JADE3: variants seen among roughly 807,000 people sequenced by gnomAD.
The protein encoded by JADE3 is jade family PHD finger 3.
In JADE3, 2 loss-of-function variants were observed where a neutral mutation model predicts 50.1. The observed-to-expected ratio is 0.04, with a 90% CI of 0.02 to 0.13. JADE3 has a LOEUF of 0.13. Ranked by LOEUF, JADE3 falls within the 10% of genes least tolerant of loss-of-function variation. JADE3 has a pLI of 1.00. For synonymous variants in JADE3, 218 were observed against 232.9 expected (o/e 0.94, Z 0.58); for missense variants, 475 against 634.4 (o/e 0.75, Z 2.70).
At chrX:46,956,223 C>G (rs1237466364) in intron 1 of JADE3, among the ~76,000 whole-genome samples, 1 of 111,613 alleles carries the variant, frequency 9.0e-6, no homozygotes, top group Non-Finnish European at 1.9e-5. Context: ...CACCACCACA[C>G]CTGGCTAATT....
At chrX:46,984,189 A>G (rs1177095457) in intron 1 of JADE3, among the ~76,000 whole-genome samples, 2 of 112,091 alleles carry the variant, frequency 1.8e-5, no homozygotes, top group Non-Finnish European at 3.8e-5. Flanking sequence ...GTGTTCCCAG[A>G]AGGGTGATGC....
intron 7 of JADE3, among the ~76,000 whole-genome samples, chrX:47,037,122 GA>G (rs1294094080): frequency 3.0e-4 from 30 of 100,269 alleles, no homozygotes; most frequent in East Asian, 2.5e-3. Flanking sequence ...AAAAAAAAAG[GA>G]AAAAAAAAAA....
chrX:47,059,943 G>A lies in JADE3; in HGVS notation c.*866G>A, dbSNP rs1455183543. The A allele has an allele frequency of 1.8e-5, 2 of 112,077 alleles. No individual in the cohort carries two copies. Among genetic ancestry groups the A allele is most frequent in the African/African-American group, 6.5e-5 (2 of 30,770 alleles). 9.2% of individuals were successfully genotyped at this position (112,077 alleles called of 1,213,427 possible). A position where few individuals can be genotyped will look rare whatever the true frequency, so the allele number is the denominator to read the frequency against. ...AAAATAAGTTTGGCTGACAGTTTTTGTATACCTGCTTTAATGTTTATAAAA... is the reference window on the plus strand; with the variant it reads ...AAAATAAGTTTGGCTGACAGTTTTTATATACCTGCTTTAATGTTTATAAAA... On this transcript the variant is annotated 3_prime_UTR_variant, in exon 11 of 11. Coordinates refer to ENST00000614628, the MANE Select transcript of JADE3 (RefSeq NM_014735.5).
chrX:46,944,976 T>G (rs1326974471), intron 1 of JADE3, among the ~76,000 whole-genome samples: 1 of 108,735 alleles, frequency 9.2e-6, no homozygotes, highest in African/African-American at 3.4e-5. Flanking sequence ...CCCAAGTAGC[T>G]GAGACTACAG....
intron 1 of JADE3, among the ~76,000 whole-genome samples, chrX:46,966,656 G>A (rs1217736971): frequency 8.9e-6 from 1 of 111,878 alleles, no homozygotes; most frequent in East Asian, 2.8e-4. Flanking sequence ...ATTCTGGTGA[G>A]ATAGAAGCAA....
rs781911903 is a variant in JADE3 at position 46,998,287 on chromosome X, T to C, written c.284+10T>C. The C allele has an allele frequency of 1.7e-6, 2 of 1,197,404 alleles. No homozygotes were observed. The highest frequency in any genetic ancestry group is 1.8e-5 in the South Asian group (1 of 55,237). ...CACAGCCTTCTCTCAGGTATTTGCA[T>C]GCTTGCACCTTTGACTTAGGGAATG... On this transcript the variant is annotated intron_variant, in intron 4 of 10. Coordinates refer to ENST00000614628, the MANE Select transcript of JADE3 (RefSeq NM_014735.5).
At chrX:46,918,886 G>A (rs1460268151) in intron 1 of JADE3, among the ~76,000 whole-genome samples, 1 of 112,678 alleles carries the variant, frequency 8.9e-6, no homozygotes, top group African/African-American at 3.2e-5. Context: ...GCTAAAGCAT[G>A]GAAGTGCTTC....
At chrX:47,037,033 G>A (rs782680976) in intron 7 of JADE3, among the ~76,000 whole-genome samples, 3 of 94,721 alleles carry the variant, frequency 3.2e-5, no homozygotes, top group South Asian at 5.4e-4. Context: ...TGGGTGCAGC[G>A]CACCAGCATG....
intron 1 of JADE3, among the ~76,000 whole-genome samples, chrX:46,924,094 T>A (rs1349273876): frequency 1.8e-5 from 2 of 111,887 alleles, no homozygotes; most frequent in African/African-American, 6.5e-5. Context: ...AGACTAAGCC[T>A]TTTTTTCTGT....
intron 6 of JADE3, among the ~76,000 whole-genome samples, chrX:47,033,087 C>T (rs1929056164): frequency 9.0e-6 from 1 of 111,644 alleles, no homozygotes; most frequent in African/African-American, 3.3e-5. Flanking sequence ...TTCACAAGTC[C>T]CTGTTTCTTC....
intron 3 of JADE3, among the ~76,000 whole-genome samples, chrX:46,997,396 T>C (rs1428415746): frequency 1.8e-5 from 2 of 111,302 alleles, no homozygotes; most frequent in Non-Finnish European, 3.8e-5. Context: ...TATGTGCCTG[T>C]AGTCCCAGCT....
chrX:47,036,988 T>C (rs1929147004), intron 7 of JADE3, among the ~76,000 whole-genome samples: 1 of 90,979 alleles, frequency 1.1e-5, no homozygotes, highest in Non-Finnish European at 2.2e-5. Context: ...AGGGATAGCA[T>C]TGGGAGATAT....
chrX:46,971,494 T>C (rs1474095366), intron 1 of JADE3, among the ~76,000 whole-genome samples: 1 of 109,842 alleles, frequency 9.1e-6, no homozygotes. Flanking sequence ...GGGGGCCTTT[T>C]CTTCAAAAGA....
At chrX:46,953,197 A>AT (rs1340229755) in intron 1 of JADE3, among the ~76,000 whole-genome samples, 167 of 101,155 alleles carry the variant, frequency 1.7e-3, no homozygotes, top group Non-Finnish European at 2.8e-3. Context: ...AACCCAGGGG[A>AT]TTCCCCCCCC....
chrX:46,930,206 A>C (rs1926460666), intron 1 of JADE3, among the ~76,000 whole-genome samples: 1 of 111,873 alleles, frequency 8.9e-6, no homozygotes, highest in African/African-American at 3.3e-5. Context: ...ATTCTGAGGC[A>C]ACCATGTGAG....
At chrX:46,950,398 G>T (rs1228517321) in intron 1 of JADE3, among the ~76,000 whole-genome samples, 2 of 112,583 alleles carry the variant, frequency 1.8e-5, no homozygotes, top group Non-Finnish European at 3.8e-5. Context: ...ATATGGTCTT[G>T]TGTGTCCAGA....
At chrX:46,972,668 C>T (rs781951734) in intron 1 of JADE3, among the ~76,000 whole-genome samples, 108 of 111,327 alleles carry the variant, frequency 9.7e-4, no homozygotes, top group Non-Finnish European at 1.6e-3. Flanking sequence ...GGCACGATCT[C>T]GGCTCACTGC....
chrX:46,957,728 CT>C (rs1927167081), intron 1 of JADE3, among the ~76,000 whole-genome samples: 1 of 111,998 alleles, frequency 8.9e-6, no homozygotes, highest in Non-Finnish European at 1.9e-5. Context: ...TTTTAGGTTC[CT>C]TTTGTTACCT....
chrX:46,982,749 G>C (rs1239789705), intron 1 of JADE3, among the ~76,000 whole-genome samples: 1 of 111,372 alleles, frequency 9.0e-6, no homozygotes, highest in Non-Finnish European at 1.9e-5. Context: ...AGTGGGTTTG[G>C]TGAGGCTCTC....
Sources: allele counts gnomAD v4.1 joint callset (sites outside exome capture counted in the v4.1 genomes callset), GRCh38; gene constraint gnomAD v4.1.1; transcripts MANE v1.5; gene names NCBI Gene and HGNC (gene_info 2026-07-23, HGNC 2026-07-21).